Variants in C5orf24 observed in about 807,000 individuals in gnomAD.
C5orf24 encodes chromosome 5 open reading frame 24.
C5orf24 carries 4 observed loss-of-function variants against 9.8 expected under a neutral mutation model. The observed-to-expected ratio is 0.41, with a 90% CI of 0.20 to 0.93. The LOEUF (loss-of-function observed/expected upper bound fraction) is 0.93, where lower values mean the gene tolerates loss of function less well. Among genes scored for constraint, C5orf24 ranks in the 40% least tolerant of loss-of-function variants. C5orf24 has a pLI of 0.33. For missense variants in C5orf24, 170 were observed against 236.9 expected (o/e 0.72, Z 1.85); for synonymous variants, 73 against 81.3 (o/e 0.90, Z 0.55).
rs1756342133 is a variant in C5orf24, at chr5:134,857,363, A to AG, written c.*1897dup. The AG allele has an allele frequency of 1.9e-6, 3 of 1,547,682 alleles. No individual in the cohort carries two copies. The highest frequency in any genetic ancestry group is 2.4e-5 in the South Asian group (2 of 83,750). ...TTCATACCTTTTTTATCAGGAAAAA[A>AG]GCAGCAAGCCTTCAGGTGTTCCAGT... is the stretch of plus-strand genomic sequence containing the variant. On this transcript the variant is annotated 3_prime_UTR_variant, in exon 2 of 2. Transcript: ENST00000394976.
In C5orf24 at chr5:134,855,507, G is replaced by A; in HGVS notation, c.*40G>A. ...GAGGGCCAGGTTTAGAAGGAAGATT[G>A]TGAATAATCCCAAAGCTTCTTGGTT... On this transcript the variant is annotated 3_prime_UTR_variant, in exon 2 of 2. Transcript: ENST00000394976. The A allele has an allele frequency of 6.2e-7, 1 of 1,605,646 alleles. No individual in the cohort carries two copies. The highest frequency in any genetic ancestry group is 8.5e-7 in the Non-Finnish European group (1 of 1,178,008).
At position 134,857,684 on chromosome 5, in the gene C5orf24, G is replaced by A. The variant is rs1048168437; in HGVS notation, c.*2217G>A. On this transcript the variant is annotated 3_prime_UTR_variant, in exon 2 of 2. Coordinates refer to ENST00000394976, the MANE Select transcript of C5orf24 (RefSeq NM_001135586.1). The stretch of plus-strand genomic sequence containing the variant: ...TGCTTGCCTCTTTATTCATATGTTC[G>A]TTACCTACTCTGTACATGTATCTGT... 1.3e-5 allele frequency: 4 copies of A among 307,998 alleles called. No homozygotes were observed. Among genetic ancestry groups the A allele is most frequent in the Non-Finnish European group, 2.5e-5 (4 of 161,844 alleles). 19.1% of individuals were successfully genotyped at this position (307,998 alleles called of 1,614,324 possible).
rs762578353 is a variant in C5orf24 at position 134,855,128 on chromosome 5, T to C, written c.228T>C (p.Asp76=). The change falls in exon 2 of 2, where the codon GAT becomes GAC. Residue 76 remains aspartate, a synonymous_variant. Coordinates refer to ENST00000394976, the MANE Select transcript of C5orf24 (RefSeq NM_001135586.1). ...TTSGRSIEIK[D]ELKKKKNLNR... ...GTGGCAGAAGCATAGAAATAAAAGA[T>C]GAACTAAAGAAAAAGAAGAATCTCA... 1 of 1,614,016 alleles carries C rather than the reference T, an allele frequency of 6.2e-7. No homozygotes were observed. The highest frequency in any genetic ancestry group is 1.7e-5 in the Admixed American group (1 of 59,972).
At position 134,857,471 on chromosome 5, in the gene C5orf24, G is replaced by T; in HGVS notation, c.*2004G>T. On this transcript the variant is annotated 3_prime_UTR_variant, in exon 2 of 2. Coordinates refer to ENST00000394976, the MANE Select transcript of C5orf24 (RefSeq NM_001135586.1). Reference sequence around the variant, plus strand: ...ATTGTATGTGGGGACTATGTGCACTGGCGTCTAAGACAGTGACCTCAACAA... The same window carrying T: ...ATTGTATGTGGGGACTATGTGCACTTGCGTCTAAGACAGTGACCTCAACAA... 6.7e-7 allele frequency: 1 copy of T among 1,485,036 alleles called. No individual in the cohort carries two copies. Among genetic ancestry groups the T allele is most frequent in the South Asian group, 1.4e-5 (1 of 72,790 alleles). The allele number at this position is 1,485,036 out of a possible 1,614,324, so 92.0% of individuals were successfully genotyped here.
intron 1 of C5orf24, among the ~76,000 whole-genome samples, chr5:134,850,484 T>C (rs1336435352): frequency 6.6e-6 from 1 of 151,616 alleles, no homozygotes; most frequent in African/African-American, 2.4e-5. Context: ...GTGTTTTTTT[T>C]TTTTTGAGTT....
chr5:134,854,788 A>G (rs1409740989), intron 1 of C5orf24, 110 bp from the exon 2 acceptor site: 1 of 1,201,382 alleles, frequency 8.3e-7, no homozygotes, highest in East Asian at 2.5e-5. Context: ...GCCTAATTTT[A>G]TGTAGCCTGC....
At chr5:134,835,873 A>AT in the C5orf24 span, among the ~76,000 whole-genome samples, 1 of 151,064 alleles carries the variant, frequency 6.6e-6, no homozygotes, top group South Asian at 2.1e-4. Flanking sequence ...CTAATTTTTT[A>AT]TTTTTTGTAG....
At chr5:134,839,218 C>T in the C5orf24 span, among the ~76,000 whole-genome samples, 2 of 151,674 alleles carry the variant, frequency 1.3e-5, no homozygotes, top group Non-Finnish European at 2.9e-5. Flanking sequence ...AAAAAAAACC[C>T]AATCTGAGTT....
At chr5:134,850,537 ATCTTGGC>A (rs1012252420) in intron 1 of C5orf24, among the ~76,000 whole-genome samples, 61 of 147,682 alleles carry the variant, frequency 4.1e-4, no homozygotes, top group Non-Finnish European at 8.9e-5. Flanking sequence ...CAATGTTGCG[ATCTTGGC>A]TCATTGCAAC....
the C5orf24 span, among the ~76,000 whole-genome samples, chr5:134,836,386 T>C: frequency 6.6e-6 from 1 of 152,310 alleles, no homozygotes; most frequent in Admixed American, 6.5e-5. Context: ...TTGGTCAGGC[T>C]GGTCTCGAAC....
At chr5:134,834,604 G>A in the C5orf24 span, among the ~76,000 whole-genome samples, 5 of 152,240 alleles carry the variant, frequency 3.3e-5, no homozygotes, top group East Asian at 5.8e-4. Context: ...ACTTTTTATT[G>A]GTTTAATTTT....
chr5:134,838,805 T>C, the C5orf24 span, among the ~76,000 whole-genome samples: 1 of 151,372 alleles, frequency 6.6e-6, no homozygotes, highest in African/African-American at 2.4e-5. Context: ...ATTGTCTAAG[T>C]ATGGTCTTGT....
chr5:134,840,852 C>T (rs1330142394), upstream of C5orf24, among the ~76,000 whole-genome samples: 1 of 152,122 alleles, frequency 6.6e-6, no homozygotes, highest in African/African-American at 2.4e-5. Context: ...CTCATCTGAG[C>T]CTTGGTATCC....
chr5:134,855,019 G>T lies in C5orf24; in HGVS notation c.119G>T (p.Ser40Ile), dbSNP rs1171467126. 1 of 1,614,100 alleles carries T rather than the reference G, an allele frequency of 6.2e-7. No individual in the cohort carries two copies. The highest frequency in any genetic ancestry group is 1.7e-5 in the Admixed American group (1 of 60,000). ...TTTGACATATATTCCTCCCAGCAAA[G>T]CAAATACAGCCACACAGTCAACCAC... is the stretch of plus-strand genomic sequence containing the variant. The part of the protein sequence containing the change: ...DQFDIYSSQQ[S>I]KYSHTVNHKP... The change falls in exon 2 of 2, where the codon AGC becomes ATC. Residue 40 changes from serine to isoleucine, a missense_variant. By Grantham distance (142) the Ser-to-Ile change is moderately radical (BLOSUM62 -2). This residue lies in a region of C5orf24 where 93 missense variants were observed against 104.5 expected (regional missense o/e 0.89). Coordinates refer to ENST00000394976, the MANE Select transcript of C5orf24 (RefSeq NM_001135586.1).
intron 1 of C5orf24, 86 bp from the exon 2 acceptor site, chr5:134,854,812 G>A: frequency 1.4e-6 from 2 of 1,439,104 alleles, no homozygotes; most frequent in Admixed American, 4.1e-5. Context: ...GTTGTTGGAA[G>A]ACAGACTGTT....
rs1477751619 is a variant in C5orf24, at chr5:134,856,268, A to C, written c.*801A>C. ...CTGAGGATAGCATATTTCATATAAT[A>C]GAAAAAGAAGCATTCTCTAGGTTTG... On this transcript the variant is annotated 3_prime_UTR_variant, in exon 2 of 2. Coordinates refer to ENST00000394976, the MANE Select transcript of C5orf24 (RefSeq NM_001135586.1). The C allele has an allele frequency of 6.0e-6, 6 of 994,548 alleles. No individual in the cohort carries two copies. In the African/African-American group the frequency reaches 1.1e-4, roughly 17 times the overall value. 61.6% of individuals were successfully genotyped at this position (994,548 alleles called of 1,614,324 possible). A position where few individuals can be genotyped will look rare whatever the true frequency, so the allele number is the denominator to read the frequency against.
chr5:134,847,168 A>G (rs560568692), intron 1 of C5orf24, among the ~76,000 whole-genome samples: 139 of 152,380 alleles, frequency 9.1e-4, no homozygotes, highest in African/African-American at 3.2e-3. Flanking sequence ...GTTAAACACA[A>G]TAAAACAACT....
rs17695346 is a variant in C5orf24, at chr5:134,858,923, A to C, written c.*3456A>C. On this transcript the variant is annotated 3_prime_UTR_variant, in exon 2 of 2. Transcript: ENST00000394976. ...TTTTTTATTTACTTTTTAAAGAAAC[A>C]TCTGTCAAAGTAATATTGATTCCAA... The C allele has an allele frequency of 0.021, 3,511 of 167,030 alleles. 66 individuals carry two copies. Among genetic ancestry groups the C allele is most frequent in the African/African-American group, 0.056 (2,321 of 41,568 alleles). The allele number at this position is 167,030 out of a possible 1,614,324, so 10.3% of individuals were successfully genotyped here.
the C5orf24 span, among the ~76,000 whole-genome samples, chr5:134,835,980 C>A: frequency 6.6e-6 from 1 of 152,004 alleles, no homozygotes; most frequent in African/African-American, 2.4e-5. Context: ...AGCCACCGCA[C>A]CTGGATTTTT....
Sources: allele counts gnomAD v4.1 joint callset (sites outside exome capture counted in the v4.1 genomes callset), GRCh38; gene constraint gnomAD v4.1.1; regional missense constraint gnomAD v4.1.1; transcripts MANE v1.5; gene names NCBI Gene and HGNC (gene_info 2026-07-23, HGNC 2026-07-21).